COPG1: variants seen among roughly 807,000 people sequenced by gnomAD.
The protein encoded by COPG1 is coat protein complex I subunit gamma 1.
In COPG1, 29 loss-of-function variants were observed where a neutral mutation model predicts 102.8. That is an observed-to-expected ratio of 0.28 (90% CI 0.21 to 0.38). The LOEUF (loss-of-function observed/expected upper bound fraction) is 0.38, where lower values mean the gene tolerates loss of function less well. Ranked by LOEUF, COPG1 falls within the 10% of genes least tolerant of loss-of-function variation. The pLI is 1.00. For missense variants in COPG1, 875 were observed against 1,132.7 expected (o/e 0.77, Z 3.27); for synonymous variants, 406 against 421.6 (o/e 0.96, Z 0.45).
At chr3:129,259,460 CAAAA>C (rs781019383) in intron 10 of COPG1, among the ~76,000 whole-genome samples, 2 of 47,556 alleles carry the variant, frequency 4.2e-5, no homozygotes, top group Non-Finnish European at 4.2e-5. Flanking sequence ...GACTCTATCT[CAAAA>C]AAAAAAAAAA....
chr3:129,266,907 T>G, intron 14 of COPG1, 117 bp from the exon 15 acceptor site: 6 of 850,164 alleles, frequency 7.1e-6, no homozygotes, highest in Non-Finnish European at 7.8e-6. Flanking sequence ...CCTCCTGGCT[T>G]GAGACTTCTT....
intron 11 of COPG1, 35 bp downstream of exon 11, chr3:129,260,435 C>A: frequency 6.3e-7 from 1 of 1,596,740 alleles, no homozygotes; most frequent in Non-Finnish European, 8.6e-7. Flanking sequence ...AGGAAGCTGT[C>A]TGATCCAACT....
intron 13 of COPG1, among the ~76,000 whole-genome samples, chr3:129,265,116 C>T (rs1423557303): frequency 2.0e-5 from 3 of 148,256 alleles, no homozygotes; most frequent in Non-Finnish European, 4.5e-5. Flanking sequence ...CCACTGCGCC[C>T]GGCCTCCATC....
In COPG1 at chr3:129,249,616, C is replaced by T; in HGVS notation, c.-94C>T. On this transcript the variant is annotated 5_prime_UTR_variant, in exon 1 of 24. Transcript: ENST00000314797. The stretch of plus-strand genomic sequence containing the variant: ...CTGGGCGACGTGGCCAGTCGGGGCC[C>T]GGAAGTGGTCCCTGTAGAACCACTG... The T allele has an allele frequency of 1.4e-6, 2 of 1,429,614 alleles. No homozygotes were observed. The highest frequency in any genetic ancestry group is 1.9e-6 in the Non-Finnish European group (2 of 1,046,660). The allele number at this position is 1,429,614 out of a possible 1,614,324, so 88.6% of individuals were successfully genotyped here.
At chr3:129,259,489 A>G (rs182932210) in intron 10 of COPG1, among the ~76,000 whole-genome samples, 2 of 151,420 alleles carry the variant, frequency 1.3e-5, no homozygotes, top group Admixed American at 1.3e-4. Flanking sequence ...AAGAAATGGA[A>G]AAAGAACTAA....
intron 1 of COPG1, 38 bp from the exon 2 acceptor site, chr3:129,250,644 G>A: frequency 6.3e-7 from 1 of 1,579,498 alleles, no homozygotes; most frequent in Non-Finnish European, 8.7e-7. Flanking sequence ...TTGAAGTTCA[G>A]AGTCACAACC....
intron 3 of COPG1, 43 bp from the exon 4 acceptor site, chr3:129,252,580 G>A: frequency 6.5e-7 from 1 of 1,529,346 alleles, no homozygotes; most frequent in East Asian, 2.2e-5. Flanking sequence ...ACTGCTGTCT[G>A]ACCCTCTGTC....
At chr3:129,266,947 A>G (rs1158181224) in intron 14 of COPG1, 77 bp from the exon 15 acceptor site, 7 of 1,309,236 alleles carry the variant, frequency 5.3e-6, no homozygotes, top group African/African-American at 1.5e-5. Context: ...CTGAAGACCC[A>G]TTCTGAGTGC....
In COPG1 at chr3:129,265,922, T is replaced by C. The variant is rs557373654; in HGVS notation, c.1468+130T>C. The C allele has an allele frequency of 2.7e-5, 25 of 909,888 alleles. No homozygotes were observed. In the African/African-American group the frequency reaches 3.2e-4, roughly 12 times the overall value. 56.4% of individuals were successfully genotyped at this position (909,888 alleles called of 1,614,324 possible). On this transcript the variant is annotated intron_variant, in intron 14 of 23. Coordinates refer to ENST00000314797, the MANE Select transcript of COPG1 (RefSeq NM_016128.4). ...TTGCTGCACAAGCTGTTTTTCATAA[T>C]ATTGTAGGCAGGACCTTACATGTCA...
intron 10 of COPG1, 136 bp from the exon 11 acceptor site, chr3:129,260,197 T>C: frequency 1.3e-6 from 1 of 762,162 alleles, no homozygotes; most frequent in Non-Finnish European, 2.2e-6. Context: ...AGGGGAGCTC[T>C]GTGTCTTGGG....
rs113287178 is a variant in COPG1, at chr3:129,267,170, A to AT, written c.1544+80dup. ...ACCCAAGCAGCTTTCCTTTGTCTTT[A>AT]TTTTTTTTTAACTGAAAAGGGAGAG... is the stretch of plus-strand genomic sequence containing the variant. On this transcript the variant is annotated intron_variant, in intron 15 of 23. Coordinates refer to ENST00000314797, the MANE Select transcript of COPG1 (RefSeq NM_016128.4). 2.6e-3 allele frequency: 2,891 copies of AT among 1,128,410 alleles called. 29 individuals are homozygous for AT. In the African/African-American group the frequency reaches 0.053, roughly 21 times the overall value. The allele number at this position is 1,128,410 out of a possible 1,614,324, so 69.9% of individuals were successfully genotyped here.
intron 2 of COPG1, among the ~76,000 whole-genome samples, chr3:129,251,370 T>A (rs1364499170): frequency 5.4e-5 from 7 of 129,374 alleles, no homozygotes; most frequent in Non-Finnish European, 9.2e-5. Context: ...ATATATATTT[T>A]TTATATATAT....
intron 12 of COPG1, 23 bp downstream of exon 12, chr3:129,260,830 C>T: frequency 6.2e-7 from 1 of 1,608,332 alleles, no homozygotes; most frequent in Non-Finnish European, 8.5e-7. Flanking sequence ...CCCAGGACAC[C>T]CACGGCCCCC....
intron 8 of COPG1, 59 bp from the exon 9 acceptor site, chr3:129,257,411 A>ACC: frequency 6.3e-7 from 1 of 1,589,962 alleles, no homozygotes; most frequent in Non-Finnish European, 8.6e-7. Flanking sequence ...CCAGGGCCAC[A>ACC]CAGCCAGTAT....
chr3:129,271,754 C>G lies in COPG1; in HGVS notation c.1844-13C>G, dbSNP rs1274131005. The G allele has an allele frequency of 2.5e-6, 4 of 1,613,652 alleles. No individual in the cohort carries two copies. The highest frequency in any genetic ancestry group is 3.4e-6 in the Non-Finnish European group (4 of 1,179,778). ...GATCGAGAAGCTGAGTGAATGTGGC[C>G]TGTGGATTTCAGAGCAGTTGGCAGC... On this transcript the variant is annotated splice_polypyrimidine_tract_variant and intron_variant, in intron 18 of 23. Coordinates refer to ENST00000314797, the MANE Select transcript of COPG1 (RefSeq NM_016128.4). This position sits in a 1 kb window ranked among gnomAD's most constrained non-coding sequence, Gnocchi z 4.7.
At chr3:129,250,614 T>G in intron 1 of COPG1, 68 bp from the exon 2 acceptor site, 1 of 1,272,436 alleles carries the variant, frequency 7.9e-7, no homozygotes, top group East Asian at 2.3e-5. Flanking sequence ...ATCTTCCCTT[T>G]ACCTATGTCT....
chr3:129,250,304 G>C (rs73862836), intron 1 of COPG1, among the ~76,000 whole-genome samples: 10,100 of 152,264 alleles, frequency 0.066, 1,080 homozygotes, highest in African/African-American at 0.23. Context: ...ACATCAACCA[G>C]ATAATCACAC....
At chr3:129,270,994 C>G (rs1450623756) in intron 18 of COPG1, among the ~76,000 whole-genome samples, 1 of 152,190 alleles carries the variant, frequency 6.6e-6, no homozygotes, top group South Asian at 2.1e-4. Context: ...TGCCGCCAAC[C>G]CCTAGTAATT....
chr3:129,274,073 T>G (rs771665548), intron 21 of COPG1: 2 of 455,928 alleles, frequency 4.4e-6, no homozygotes, highest in South Asian at 3.1e-5. Flanking sequence ...GAGTCACAGT[T>G]GAGGATGGAT....
Sources: gnomAD v4.1 joint callset for allele counts (sites outside exome capture counted in the v4.1 genomes callset) on GRCh38, gnomAD v4.1.1 for gene constraint, Gnocchi (gnomAD v3.1) non-coding constraint, MANE v1.5 for transcripts, NCBI Gene and HGNC (gene_info 2026-07-23, HGNC 2026-07-21) for gene names.